Variants in CDYL2 observed in about 807,000 individuals in gnomAD.
CDYL2 encodes chromodomain Y like 2, also known as chromodomain Y-like protein 2.
CDYL2 carries 23 observed loss-of-function variants against 49.4 expected under a neutral mutation model. The observed-to-expected ratio is 0.47, with a 90% CI of 0.34 to 0.66. The LOEUF (loss-of-function observed/expected upper bound fraction) is 0.66. Ranked by LOEUF, CDYL2 falls within the 30% of genes least tolerant of loss-of-function variation. The pLI, the probability that CDYL2 is intolerant of heterozygous loss-of-function variation, is 0.01. For missense variants in CDYL2, 678 were observed against 656.4 expected (o/e 1.03, Z -0.36); for synonymous variants, 360 against 268.8 (o/e 1.34, Z -3.32).
intron 1 of CDYL2, among the ~76,000 whole-genome samples, chr16:80,693,455 G>A (rs1449066432): frequency 2.0e-5 from 3 of 151,990 alleles, no homozygotes; most frequent in Admixed American, 6.6e-5. Context: ...TGAGGCCAAA[G>A]GTATTATTTA....
chr16:80,647,283 C>A (rs1292574600), intron 2 of CDYL2, among the ~76,000 whole-genome samples: 1 of 152,052 alleles, frequency 6.6e-6, no homozygotes, highest in Non-Finnish European at 1.5e-5. Context: ...GCCAAACTAC[C>A]CAAAGTAATC....
intron 1 of CDYL2, among the ~76,000 whole-genome samples, chr16:80,721,706 A>C (rs938385055): frequency 1.3e-5 from 2 of 152,212 alleles, no homozygotes; most frequent in Non-Finnish European, 2.9e-5. Context: ...CATGCCTAAC[A>C]ATGGCCCAGC....
chr16:80,676,736 G>T (rs1909758180), intron 2 of CDYL2, among the ~76,000 whole-genome samples: 1 of 152,108 alleles, frequency 6.6e-6, no homozygotes, highest in South Asian at 2.1e-4. Context: ...TCCTCTCTTT[G>T]TCTGGTTTGG....
rs376674271 is a variant in CDYL2, at chr16:80,645,236, C to T, written c.617-12000G>A. Reference sequence around the variant, plus strand: ...AATGGGAGAACATTTTTGCAATCTACTCATCTGACAAAGGGCTAATATCCA... The same window carrying T: ...AATGGGAGAACATTTTTGCAATCTATTCATCTGACAAAGGGCTAATATCCA... On this transcript the variant is annotated intron_variant, in intron 2 of 6. Transcript: ENST00000570137. Among the ~76,000 whole-genome samples the T allele has an allele frequency of 1.5e-4, 23 of 152,268 alleles. No individual in the cohort carries two copies. The South Asian group carries it at 4.6e-3, about 30-fold the overall frequency.
intron 1 of CDYL2, among the ~76,000 whole-genome samples, chr16:80,801,586 T>C (rs1907928660): frequency 6.6e-6 from 1 of 152,206 alleles, no homozygotes; most frequent in African/African-American, 2.4e-5. Flanking sequence ...AAAAACGTGG[T>C]TTCTTGAGTA....
chr16:80,803,434 G>A (rs948755618), intron 1 of CDYL2, among the ~76,000 whole-genome samples: 3 of 151,918 alleles, frequency 2.0e-5, no homozygotes, highest in Non-Finnish European at 4.4e-5. Context: ...CCTCCGCAGC[G>A]CCCCCTTTCG....
chr16:80,779,376 G>C (rs527286759), intron 1 of CDYL2, among the ~76,000 whole-genome samples: 33 of 152,010 alleles, frequency 2.2e-4, no homozygotes, highest in African/African-American at 7.7e-4. Flanking sequence ...GTAGTGCTGA[G>C]AGCCTCATGA....
intron 2 of CDYL2, among the ~76,000 whole-genome samples, chr16:80,658,520 G>C (rs185134632): frequency 6.6e-6 from 1 of 152,092 alleles, no homozygotes; most frequent in Non-Finnish European, 1.5e-5. Context: ...GAGTAGTTCA[G>C]GATTGAGAAA....
intron 1 of CDYL2, among the ~76,000 whole-genome samples, chr16:80,722,098 T>G (rs1447773994): frequency 6.6e-6 from 1 of 152,126 alleles, no homozygotes; most frequent in African/African-American, 2.4e-5. Flanking sequence ...TAAGGAAGCA[T>G]TGAGTCATAT....
rs1405200345 is a variant in CDYL2 at position 80,804,310 on chromosome 16, G to C, written c.-137C>G. 2 of 685,346 alleles carry C rather than the reference G, an allele frequency of 2.9e-6. No individual in the cohort carries two copies. The highest frequency in any genetic ancestry group is 3.9e-6 in the Non-Finnish European group (2 of 506,772). The allele number at this position is 685,346 out of a possible 1,614,324, so 42.5% of individuals were successfully genotyped here. A position where few individuals can be genotyped will look rare whatever the true frequency, so the allele number is the denominator to read the frequency against. On this transcript the variant is annotated 5_prime_UTR_variant, in exon 1 of 7. Coordinates refer to ENST00000570137, the MANE Select transcript of CDYL2 (RefSeq NM_152342.4). ...GTGTGTGTGGTGTGTTGAGTAAACT[G>C]TGTTTTTGCAGAATGACAGGCTTGG... is the stretch of plus-strand genomic sequence containing the variant.
intron 2 of CDYL2, among the ~76,000 whole-genome samples, chr16:80,678,748 C>G (rs1438825652): frequency 6.0e-5 from 9 of 151,002 alleles, no homozygotes; most frequent in Admixed American, 5.9e-4. Context: ...TTGACCTAGC[C>G]ATCCCATTAC....
intron 1 of CDYL2, among the ~76,000 whole-genome samples, chr16:80,785,968 T>C (rs1213275586): frequency 6.6e-6 from 1 of 152,184 alleles, no homozygotes; most frequent in Non-Finnish European, 1.5e-5. Flanking sequence ...CAACTCAAGA[T>C]GGATCAAAGA....
At chr16:80,657,269 T>C (rs1054389111) in intron 2 of CDYL2, among the ~76,000 whole-genome samples, 1 of 152,128 alleles carries the variant, frequency 6.6e-6, no homozygotes, top group Admixed American at 6.5e-5. Flanking sequence ...TCATTTAAAA[T>C]AAACAAGAAA....
intron 1 of CDYL2, among the ~76,000 whole-genome samples, chr16:80,801,826 G>T (rs539380562): frequency 3.9e-5 from 6 of 152,120 alleles, no homozygotes; most frequent in Non-Finnish European, 5.9e-5. Context: ...CTTCTTAATT[G>T]TTCTTAAAGC....
intron 4 of CDYL2, among the ~76,000 whole-genome samples, chr16:80,618,654 G>C (rs540927167): frequency 1.1e-4 from 17 of 152,054 alleles, no homozygotes; most frequent in Non-Finnish European, 2.2e-4. Flanking sequence ...ATGCAAGAAG[G>C]ATCCCCACGC....
chr16:80,780,393 A>G (rs1352985187), intron 1 of CDYL2, among the ~76,000 whole-genome samples: 2 of 148,266 alleles, frequency 1.3e-5, no homozygotes, highest in Non-Finnish European at 3.0e-5. Context: ...CAGATGCACA[A>G]TATCTTTTTT....
chr16:80,782,645 A>ACCATGAC (rs1214460388), intron 1 of CDYL2, among the ~76,000 whole-genome samples: 1 of 151,890 alleles, frequency 6.6e-6, no homozygotes, highest in African/African-American at 2.4e-5. Context: ...AGGATCACAC[A>ACCATGAC]CCATGACCAA....
intron 1 of CDYL2, among the ~76,000 whole-genome samples, chr16:80,762,428 G>A (rs771637021): frequency 3.3e-5 from 5 of 152,128 alleles, no homozygotes; most frequent in Admixed American, 6.5e-5. Context: ...CATACAAGCA[G>A]CACAGCTCCA....
intron 2 of CDYL2, chr16:80,662,769 C>A: frequency 4.4e-6 from 2 of 455,828 alleles, no homozygotes; most frequent in Non-Finnish European, 8.8e-6. Flanking sequence ...GGCTACCGTA[C>A]TGGACAGTGA....
Sources: allele counts gnomAD v4.1 joint callset (sites outside exome capture counted in the v4.1 genomes callset), GRCh38; gene constraint gnomAD v4.1.1; transcripts MANE v1.5; gene names NCBI Gene and HGNC (gene_info 2026-07-23, HGNC 2026-07-21).